Variants in NAALADL2 observed in about 807,000 individuals in gnomAD.
NAALADL2 encodes N-acetylated alpha-linked acidic dipeptidase like 2, also known as inactive N-acetylated-alpha-linked acidic dipeptidase-like protein 2.
Under a neutral mutation model 87.2 loss-of-function variants are expected in NAALADL2, and 76 were observed. The ratio of observed to expected loss-of-function variants is 0.87; its 90% CI spans 0.72 to 1.05. The LOEUF (loss-of-function observed/expected upper bound fraction) is 1.05, where lower values mean the gene tolerates loss of function less well. Among genes scored for constraint, NAALADL2 ranks in the 50% least tolerant of loss-of-function variants. The probability of loss-of-function intolerance (pLI) is 0.00; values close to 1 mark genes in which losing one functional copy is unlikely to be tolerated. For missense variants in NAALADL2, 1,089 were observed against 945.8 expected (o/e 1.15, Z -1.99); for synonymous variants, 354 against 331.0 (o/e 1.07, Z -0.75).
At chr3:175,215,319 G>A (rs1017762859) in intron 2 of NAALADL2, among the ~76,000 whole-genome samples, 2 of 152,158 alleles carry the variant, frequency 1.3e-5, no homozygotes, top group African/African-American at 2.4e-5. Context: ...GATCACTATC[G>A]TGTCTTTTTT....
intron 3 of NAALADL2, among the ~76,000 whole-genome samples, chr3:174,769,170 G>C (rs181034577): frequency 6.6e-6 from 1 of 151,646 alleles, no homozygotes; most frequent in Non-Finnish European, 1.5e-5. Flanking sequence ...TTATTTTGTG[G>C]TTCCTATGGT....
intron 2 of NAALADL2, among the ~76,000 whole-genome samples, chr3:174,594,486 GTTC>G (rs748428775): frequency 6.6e-6 from 1 of 152,166 alleles, no homozygotes; most frequent in Non-Finnish European, 1.5e-5. Flanking sequence ...TTAATAGGCT[GTTC>G]TTCTTCCTCA....
At chr3:175,427,615 A>T (rs1456901000) in intron 5 of NAALADL2, among the ~76,000 whole-genome samples, 2 of 152,182 alleles carry the variant, frequency 1.3e-5, no homozygotes, top group Non-Finnish European at 2.9e-5. Context: ...GGAATTCATA[A>T]CTTGAAATGT....
intron 2 of NAALADL2, among the ~76,000 whole-genome samples, chr3:175,105,164 T>C (rs1229210993): frequency 1.3e-5 from 2 of 152,142 alleles, no homozygotes; most frequent in Non-Finnish European, 2.9e-5. Context: ...CTCATTGATA[T>C]CCCATCAGCT....
At chr3:174,708,073 T>G (rs1454401536) in intron 2 of NAALADL2, among the ~76,000 whole-genome samples, 1 of 152,130 alleles carries the variant, frequency 6.6e-6, no homozygotes, top group Non-Finnish European at 1.5e-5. Context: ...TTATCCATAA[T>G]CTAAGGAACC....
At position 175,097,137 on chromosome 3, in the gene NAALADL2, A is replaced by C. The variant is rs1033514515; in HGVS notation, c.391A>C (p.Thr131Pro). Residue 131 changes from threonine (T) to proline (P), a missense_variant, in exon 2 of 14, where the codon ACA (threonine) becomes CCA (proline). Coordinates refer to ENST00000454872, the MANE Select transcript of NAALADL2 (RefSeq NM_207015.3). ...TTGCCACGTCTTAAAAATACTTTGCACAGCCACCATTTTATTTATTTTTGG... is the reference window on the plus strand; with the variant it reads ...TTGCCACGTCTTAAAAATACTTTGCCCAGCCACCATTTTATTTATTTTTGG... ...NFCHVLKILCTATILFIFGIL... is the reference protein window; with the variant it reads ...NFCHVLKILCPATILFIFGIL... 6.2e-7 allele frequency: 1 copy of C among 1,613,834 alleles called. No individual in the cohort carries two copies. Among genetic ancestry groups the C allele is most frequent in the East Asian group, 2.2e-5 (1 of 44,878 alleles).
intron 10 of NAALADL2, 136 bp from the exon 11 acceptor site, chr3:175,627,155 G>C: frequency 1.5e-6 from 1 of 659,750 alleles, no homozygotes; most frequent in East Asian, 2.8e-5. Flanking sequence ...GTTAGATCAG[G>C]AGAATGAAAT....
At chr3:175,337,873 AG>A (rs1762153154) in intron 5 of NAALADL2, among the ~76,000 whole-genome samples, 1 of 152,188 alleles carries the variant, frequency 6.6e-6, no homozygotes, top group African/African-American at 2.4e-5. Flanking sequence ...GTTCCTGATT[AG>A]GTGTAAGTAA....
chr3:175,343,677 C>CTTTTTTTTTTTTTTTTTTTTTT lies in NAALADL2; in HGVS notation c.1090+19352_1090+19353insTTTTTTTTTTTTTTTTTTTTTT, dbSNP rs1560398617. On this transcript the variant is annotated intron_variant, in intron 5 of 13. Coordinates refer to ENST00000454872, the MANE Select transcript of NAALADL2 (RefSeq NM_207015.3). ...CATGTTTTTTTTTTTTTTTTTTTTT[C>CTTTTTTTTTTTTTTTTTTTTTT]CCTTCCCACTGATCAAACTAGGAAA... Among the ~76,000 whole-genome samples, 2 of 78,882 alleles carry CTTTTTTTTTTTTTTTTTTTTTT rather than the reference C, an allele frequency of 2.5e-5. 1 individual carries two copies. Among genetic ancestry groups the CTTTTTTTTTTTTTTTTTTTTTT allele is most frequent in the Non-Finnish European group, 5.7e-5 (2 of 35,184 alleles). The allele number at this position is 78,882 out of a possible 152,430, so 51.7% of individuals were successfully genotyped here. A position where few individuals can be genotyped will look rare whatever the true frequency, so the allele number is the denominator to read the frequency against.
intron 1 of NAALADL2, among the ~76,000 whole-genome samples, chr3:174,998,857 G>T (rs1268150733): frequency 6.6e-6 from 1 of 151,888 alleles, no homozygotes; most frequent in Non-Finnish European, 1.5e-5. Context: ...AGTTTATAGT[G>T]GTATCATTAA....
At chr3:175,384,666 A>G (rs138330138) in intron 5 of NAALADL2, among the ~76,000 whole-genome samples, 1 of 151,928 alleles carries the variant, frequency 6.6e-6, no homozygotes, top group Non-Finnish European at 1.5e-5. Flanking sequence ...TTGTTTGTGC[A>G]ATAATATTGC....
intron 1 of NAALADL2, among the ~76,000 whole-genome samples, chr3:174,450,869 C>CAAAAAAAAAAAAAAA (rs761513802): frequency 2.4e-4 from 18 of 74,868 alleles, no homozygotes; most frequent in Non-Finnish European, 4.0e-4. Flanking sequence ...GACTCTGTCT[C>CAAAAAAAAAAAAAAA]AAAAAAAAAA....
intron 13 of NAALADL2, among the ~76,000 whole-genome samples, chr3:175,775,446 T>G (rs2150192930): frequency 6.6e-6 from 1 of 152,220 alleles, no homozygotes; most frequent in East Asian, 1.9e-4. Flanking sequence ...AACTATAATC[T>G]GATTTCTCTA....
At chr3:174,591,138 C>A (rs113582601) in intron 2 of NAALADL2, among the ~76,000 whole-genome samples, 177 of 152,336 alleles carry the variant, frequency 1.2e-3, no homozygotes, top group African/African-American at 4.0e-3. Context: ...TTGGCTGATC[C>A]TCTGGAGACA....
intron 1 of NAALADL2, among the ~76,000 whole-genome samples, chr3:174,883,065 G>A (rs1213380399): frequency 6.6e-6 from 1 of 151,978 alleles, no homozygotes; most frequent in African/African-American, 2.4e-5. Flanking sequence ...TCAAGGGCAG[G>A]AAGCATCCAG....
intron 11 of NAALADL2, among the ~76,000 whole-genome samples, chr3:175,691,950 A>C (rs1227234152): frequency 6.6e-6 from 1 of 152,148 alleles, no homozygotes; most frequent in Non-Finnish European, 1.5e-5. Flanking sequence ...ACCTTCAGGA[A>C]TTACATTTTG....
intron 1 of NAALADL2, among the ~76,000 whole-genome samples, chr3:174,917,881 T>C (rs1560361822): frequency 1.3e-5 from 2 of 152,138 alleles, no homozygotes; most frequent in Non-Finnish European, 2.9e-5. Flanking sequence ...ATTTTCGTCA[T>C]AATTTTCTAA....
intron 11 of NAALADL2, chr3:175,718,589 C>T (rs1345827223): frequency 3.8e-6 from 6 of 1,593,750 alleles, no homozygotes; most frequent in Non-Finnish European, 5.2e-6. Flanking sequence ...ATCTCCTACT[C>T]CTTTCTGGCC....
rs76203395 is a variant in NAALADL2 at position 175,125,528 on chromosome 3, G to T, written c.545+28237G>T. Among the ~76,000 whole-genome samples, 506 of 152,132 alleles carry T rather than the reference G, an allele frequency of 3.3e-3. 22 individuals carry two copies. In the East Asian group the frequency reaches 0.079, roughly 24 times the overall value. ...ATTGGATCCTTTATGTGTTTTGAAGGTCAAATGAACGGGATCCTTTGATTG... is the reference window on the plus strand; with the variant it reads ...ATTGGATCCTTTATGTGTTTTGAAGTTCAAATGAACGGGATCCTTTGATTG... On this transcript the variant is annotated intron_variant, in intron 2 of 13. Coordinates refer to ENST00000454872, the MANE Select transcript of NAALADL2 (RefSeq NM_207015.3).
Sources: allele counts gnomAD v4.1 joint callset (sites outside exome capture counted in the v4.1 genomes callset), GRCh38; gene constraint gnomAD v4.1.1; transcripts MANE v1.5; gene names NCBI Gene and HGNC (gene_info 2026-07-23, HGNC 2026-07-21).